Variants in CTNNA3 observed in about 807,000 individuals in gnomAD.
The protein encoded by CTNNA3 is catenin alpha-3.
Under a neutral mutation model 95.7 loss-of-function variants are expected in CTNNA3, and 76 were observed. The observed-to-expected ratio is 0.79, with a 90% CI of 0.66 to 0.96. The LOEUF is 0.96. Ranked by LOEUF, CTNNA3 falls within the 40% of genes least tolerant of loss-of-function variation. The probability of loss-of-function intolerance (pLI) is 0.00; values close to 1 mark genes in which losing one functional copy is unlikely to be tolerated. For synonymous variants in CTNNA3, 431 were observed against 374.4 expected, an observed-to-expected ratio of 1.15 and a Z score of -1.74; for missense variants, 1,191 against 1,089.8, an observed-to-expected ratio of 1.09 and a Z score of -1.31.
At chr10:66,937,464 T>C (rs1363299001) in intron 7 of CTNNA3, among the ~76,000 whole-genome samples, 1 of 152,186 alleles carries the variant, frequency 6.6e-6, no homozygotes, top group Non-Finnish European at 1.5e-5. Flanking sequence ...TAGTTCCAAC[T>C]GCTAAAAATC....
At chr10:66,588,402 C>A (rs545426461) in intron 10 of CTNNA3, among the ~76,000 whole-genome samples, 1 of 151,682 alleles carries the variant, frequency 6.6e-6, no homozygotes, top group African/African-American at 2.4e-5. Context: ...TCTCTGCACA[C>A]TATTTTGTCT....
rs1841456043 is a variant in CTNNA3 at position 67,760,376 on chromosome 10, A to C, written c.-2+3058T>G. Among the ~76,000 whole-genome samples, 3 of 152,206 alleles carry C rather than the reference A, an allele frequency of 2.0e-5. No individual in the cohort carries two copies. The South Asian group carries it at 6.2e-4, about 32-fold the overall frequency. On this transcript the variant is annotated intron_variant, in intron 1 of 17. Transcript: ENST00000684154. The stretch of plus-strand genomic sequence containing the variant: ...CTAACAAATAATACATGAGGGCAAC[A>C]AAATGAGTGAGAACACTAAGCTAAT...
intron 3 of CTNNA3, among the ~76,000 whole-genome samples, chr10:67,552,605 C>T (rs1359712166): frequency 6.6e-6 from 1 of 151,866 alleles, no homozygotes; most frequent in East Asian, 1.9e-4. Flanking sequence ...CTGCATAGAT[C>T]ATCCCATCAC....
chr10:67,196,477 T>G (rs890592928), intron 6 of CTNNA3, among the ~76,000 whole-genome samples: 6 of 152,076 alleles, frequency 3.9e-5, no homozygotes, highest in African/African-American at 1.4e-4. Flanking sequence ...ATATAATACA[T>G]ACAGACTCCT....
chr10:67,097,348 T>A (rs180679034), intron 7 of CTNNA3, among the ~76,000 whole-genome samples: 205 of 152,012 alleles, frequency 1.3e-3, no homozygotes, highest in African/African-American at 4.7e-3. Flanking sequence ...TGTAGGCTAC[T>A]ACTTATCCAA....
intron 6 of CTNNA3, among the ~76,000 whole-genome samples, chr10:67,202,193 C>T (rs890704532): frequency 6.0e-5 from 9 of 151,102 alleles, no homozygotes; most frequent in African/African-American, 2.2e-4. Context: ...AATAATTGCC[C>T]GATACCCTTC....
At chr10:66,899,584 T>C (rs931371868) in intron 7 of CTNNA3, among the ~76,000 whole-genome samples, 1 of 152,106 alleles carries the variant, frequency 6.6e-6, no homozygotes, top group African/African-American at 2.4e-5. Flanking sequence ...TTCGGAGGAT[T>C]TCCCTTTTCT....
At chr10:67,076,999 T>A (rs1460806884) in intron 7 of CTNNA3, among the ~76,000 whole-genome samples, 4 of 152,184 alleles carry the variant, frequency 2.6e-5, no homozygotes, top group Non-Finnish European at 5.9e-5. Flanking sequence ...CATTGTCTCT[T>A]GTTTCAGGCA....
intron 5 of CTNNA3, among the ~76,000 whole-genome samples, chr10:67,448,015 AGCT>A (rs1846821027): frequency 6.6e-6 from 1 of 152,254 alleles, no homozygotes; most frequent in East Asian, 1.9e-4. Flanking sequence ...GCTATAAAAG[AGCT>A]GAGCTTTTGG....
intron 5 of CTNNA3, among the ~76,000 whole-genome samples, chr10:67,228,078 A>G (rs1360150739): frequency 6.6e-6 from 1 of 152,156 alleles, no homozygotes; most frequent in African/African-American, 2.4e-5. Flanking sequence ...AAAAGACTGA[A>G]AAAGCACAAA....
At chr10:67,595,122 G>T (rs188322660) in intron 3 of CTNNA3, among the ~76,000 whole-genome samples, 1 of 152,076 alleles carries the variant, frequency 6.6e-6, no homozygotes, top group African/African-American at 2.4e-5. Context: ...TGTGTTTTAC[G>T]TCTCAATTTT....
In CTNNA3 at chr10:66,071,936, G is replaced by T. The variant is rs376186782; in HGVS notation, c.1978-2447C>A. Among the ~76,000 whole-genome samples the T allele has an allele frequency of 3.3e-5, 5 of 152,226 alleles. No individual in the cohort carries two copies. The East Asian group carries it at 9.7e-4, about 29-fold the overall frequency. On this transcript the variant is annotated intron_variant, in intron 14 of 17. Transcript: ENST00000433211. Reference sequence around the variant, plus strand: ...TGCCTATTAGGCATTTTTAAGCATAGATTTCATTTACTAATTTAACTCTAA... The same window carrying T: ...TGCCTATTAGGCATTTTTAAGCATATATTTCATTTACTAATTTAACTCTAA...
intron 5 of CTNNA3, among the ~76,000 whole-genome samples, chr10:67,367,292 T>G (rs1178756580): frequency 6.6e-6 from 1 of 151,890 alleles, no homozygotes; most frequent in Non-Finnish European, 1.5e-5. Flanking sequence ...CAGACATTTC[T>G]CAAAAGAAGA....
In CTNNA3 at chr10:66,314,415, G is replaced by A. The variant is rs561030511; in HGVS notation, c.1733-33794C>T. The stretch of plus-strand genomic sequence containing the variant: ...TAATTTAAAAATTTTAAAATATCAT[G>A]TGTGGAAAACATCTGTGTGATTATG... On this transcript the variant is annotated intron_variant, in intron 12 of 17. Transcript: ENST00000433211. Among the ~76,000 whole-genome samples the A allele has an allele frequency of 2.0e-5, 3 of 150,548 alleles. 1 individual carries two copies. Among genetic ancestry groups the A allele is most frequent in the African/African-American group, 7.2e-5 (3 of 41,480 alleles).
intron 2 of CTNNA3, 150 bp from the exon 3 acceptor site, chr10:67,607,199 T>A: frequency 1.7e-6 from 1 of 590,480 alleles, no homozygotes; most frequent in Non-Finnish European, 3.0e-6. Flanking sequence ...GTTGAAAATC[T>A]GAGTATAACT....
At chr10:66,415,225 T>A (rs2893987) in intron 11 of CTNNA3, among the ~76,000 whole-genome samples, 7,491 of 152,080 alleles carry the variant, frequency 0.049, 261 homozygotes, top group East Asian at 0.11. Context: ...ATCATCCCCA[T>A]GCCACAGCAT....
At chr10:66,965,260 G>C (rs555163283) in intron 7 of CTNNA3, among the ~76,000 whole-genome samples, 3 of 151,998 alleles carry the variant, frequency 2.0e-5, no homozygotes, top group South Asian at 4.2e-4. Flanking sequence ...TTTTTGGCTC[G>C]GCATGGTGGC....
At chr10:66,061,818 G>A (rs1417699771) in intron 15 of CTNNA3, among the ~76,000 whole-genome samples, 1 of 151,976 alleles carries the variant, frequency 6.6e-6, no homozygotes, top group African/African-American at 2.4e-5. Flanking sequence ...TTTTTCTTCT[G>A]TGCTTATTCT....
chr10:66,420,738 G>A (rs2093184756), intron 11 of CTNNA3, among the ~76,000 whole-genome samples: 1 of 151,860 alleles, frequency 6.6e-6, no homozygotes, highest in African/African-American at 2.4e-5. Flanking sequence ...GGCAGAGGTT[G>A]CAGTGAGCCA....
Sources: gnomAD v4.1 joint callset for allele counts (sites outside exome capture counted in the v4.1 genomes callset) on GRCh38, gnomAD v4.1.1 for gene constraint, MANE v1.5 for transcripts, NCBI Gene and HGNC (gene_info 2026-07-23, HGNC 2026-07-21) for gene names.